The following SUSD6 variants were observed in gnomAD, a reference collection of about 807,000 sequenced individuals.
SUSD6 encodes the protein sushi domain containing 6, also known as sushi domain-containing protein 6.
In SUSD6, 16 loss-of-function variants were observed where a neutral mutation model predicts 28.4. That is an observed-to-expected ratio of 0.56 (90% CI 0.38 to 0.86). The LOEUF is 0.86. SUSD6 is among the 40% of genes least tolerant of loss of function. The pLI is 0.00. For synonymous variants in SUSD6, 147 were observed against 159.6 expected (o/e 0.92, Z 0.59); for missense variants, 341 against 384.2 (o/e 0.89, Z 0.94).
chr14:69,654,345 A>C (rs1215338378), intron 1 of SUSD6, among the ~76,000 whole-genome samples: 3 of 152,202 alleles, frequency 2.0e-5, no homozygotes, highest in Non-Finnish European at 4.4e-5. Context: ...CCCTGCCTTC[A>C]AGGAAGTCTC....
At chr14:69,632,994 C>T (rs1247700976) in intron 1 of SUSD6, among the ~76,000 whole-genome samples, 5 of 152,188 alleles carry the variant, frequency 3.3e-5, no homozygotes, top group Non-Finnish European at 7.4e-5. Context: ...TGCTAGAACA[C>T]GGTTCTCCTC....
chr14:69,664,908 G>A (rs568237878), intron 2 of SUSD6, among the ~76,000 whole-genome samples: 1 of 152,318 alleles, frequency 6.6e-6, no homozygotes, highest in African/African-American at 2.4e-5. Context: ...TAGGTTTCCA[G>A]ATGAACACCT....
At chr14:69,707,902 A>G (rs747150843) in intron 4 of SUSD6, among the ~76,000 whole-genome samples, 13 of 152,210 alleles carry the variant, frequency 8.5e-5, no homozygotes, top group Non-Finnish European at 1.3e-4. Context: ...GTGGTGAGGC[A>G]ATGGGAGTGA....
chr14:69,709,229 A>G, intron 5 of SUSD6, 125 bp downstream of exon 5: 2 of 880,230 alleles, frequency 2.3e-6, no homozygotes, highest in East Asian at 2.7e-5. Context: ...TACCTGGGGT[A>G]TTTGCCTACA....
At chr14:69,640,164 T>C (rs1309080928) in intron 1 of SUSD6, among the ~76,000 whole-genome samples, 2 of 151,724 alleles carry the variant, frequency 1.3e-5, no homozygotes, top group Non-Finnish European at 2.9e-5. Flanking sequence ...AGACCCAGGC[T>C]GGACTCTGAA....
At chr14:69,630,952 C>A (rs1342679050) in intron 1 of SUSD6, among the ~76,000 whole-genome samples, 1 of 152,162 alleles carries the variant, frequency 6.6e-6, no homozygotes, top group Admixed American at 6.5e-5. Flanking sequence ...TTGTTTTACT[C>A]CACTCCATTC....
chr14:69,619,510 C>T (rs1414597650), intron 1 of SUSD6, among the ~76,000 whole-genome samples: 1 of 151,752 alleles, frequency 6.6e-6, no homozygotes, highest in Non-Finnish European at 1.5e-5. Context: ...CCTGTAATCC[C>T]AGCACTTTGG....
intron 2 of SUSD6, among the ~76,000 whole-genome samples, chr14:69,700,556 C>T (rs867629163): frequency 2.6e-5 from 4 of 152,298 alleles, no homozygotes; most frequent in Admixed American, 6.5e-5. Flanking sequence ...CCAAACTGGG[C>T]TGCTTGCTGT....
At chr14:69,669,209 A>G (rs976344293) in intron 2 of SUSD6, among the ~76,000 whole-genome samples, 1 of 151,536 alleles carries the variant, frequency 6.6e-6, no homozygotes, top group Non-Finnish European at 1.5e-5. Flanking sequence ...GATTACAGGC[A>G]TGTGCCACCA....
intron 1 of SUSD6, among the ~76,000 whole-genome samples, chr14:69,649,257 A>G (rs1395092527): frequency 1.3e-5 from 2 of 152,200 alleles, no homozygotes; most frequent in Admixed American, 1.3e-4. Context: ...GCCAGTAAAT[A>G]TTAGCTGAAT....
At chr14:69,710,840 A>G (rs1285931914) in intron 5 of SUSD6, 114 bp from the exon 6 acceptor site, 2 of 971,540 alleles carry the variant, frequency 2.1e-6, no homozygotes, top group East Asian at 4.8e-5. Flanking sequence ...TGGGACATTT[A>G]CTTTCTTTAA....
At chr14:69,679,335 G>A (rs1254238596) in intron 2 of SUSD6, among the ~76,000 whole-genome samples, 1 of 152,170 alleles carries the variant, frequency 6.6e-6, no homozygotes, top group Non-Finnish European at 1.5e-5. Context: ...TATGGCATGT[G>A]TTGTGATCAT....
intron 4 of SUSD6, 142 bp downstream of exon 4, chr14:69,704,884 T>A: frequency 1.3e-6 from 1 of 793,514 alleles, no homozygotes; most frequent in Non-Finnish European, 2.0e-6. Flanking sequence ...CTGCCATGTG[T>A]CAAACTCCTA....
chr14:69,612,136 C>A (rs1405921636), intron 1 of SUSD6, among the ~76,000 whole-genome samples: 4 of 151,916 alleles, frequency 2.6e-5, no homozygotes, highest in Non-Finnish European at 5.9e-5. Flanking sequence ...CGGGGCGCGC[C>A]GTCCCGCGTC....
chr14:69,668,080 T>C (rs1449741576), intron 2 of SUSD6, among the ~76,000 whole-genome samples: 2 of 152,136 alleles, frequency 1.3e-5, no homozygotes, highest in African/African-American at 4.8e-5. Flanking sequence ...CAGTGAGCAG[T>C]AGCAGTGTGT....
intron 1 of SUSD6, among the ~76,000 whole-genome samples, chr14:69,625,748 T>C (rs1885105150): frequency 6.6e-6 from 1 of 152,154 alleles, no homozygotes; most frequent in Non-Finnish European, 1.5e-5. Flanking sequence ...GTCTTGTATG[T>C]GGCACACTCT....
chr14:69,641,667 G>T (rs1885354821), intron 1 of SUSD6, among the ~76,000 whole-genome samples: 1 of 151,982 alleles, frequency 6.6e-6, no homozygotes, highest in Non-Finnish European at 1.5e-5. Flanking sequence ...ATAGCTCGTT[G>T]CAGCCTCAAC....
intron 5 of SUSD6, among the ~76,000 whole-genome samples, chr14:69,709,746 G>A (rs1408875525): frequency 6.6e-6 from 1 of 152,208 alleles, no homozygotes; most frequent in Non-Finnish European, 1.5e-5. Context: ...AACAATCATA[G>A]AATGAAATTA....
intron 4 of SUSD6, among the ~76,000 whole-genome samples, chr14:69,705,245 G>A (rs915943448): frequency 8.0e-5 from 12 of 149,946 alleles, no homozygotes; most frequent in Admixed American, 1.3e-4. Flanking sequence ...TTGAACCCAC[G>A]AGGCAGAGGT....
Sources: allele counts gnomAD v4.1 joint callset (sites outside exome capture counted in the v4.1 genomes callset), GRCh38; gene constraint gnomAD v4.1.1; transcripts MANE v1.5; gene names NCBI Gene and HGNC (gene_info 2026-07-23, HGNC 2026-07-21).